Variants in GPM6A observed in about 807,000 individuals in gnomAD.
The protein encoded by GPM6A is glycoprotein M6A, also known as neuronal membrane glycoprotein M6-a.
GPM6A carries 7 observed loss-of-function variants against 32.1 expected under a neutral mutation model. That is an observed-to-expected ratio of 0.22 (90% confidence interval 0.12 to 0.41). The LOEUF is 0.41. Among genes scored for constraint, GPM6A ranks in the 10% least tolerant of loss-of-function variants. The probability of loss-of-function intolerance (pLI) is 1.00; values close to 1 mark genes in which losing one functional copy is unlikely to be tolerated. For synonymous variants in GPM6A, 130 were observed against 123.4 expected (o/e 1.05, Z -0.35); for missense variants, 235 against 347.2 (o/e 0.68, Z 2.57).
intron 2 of GPM6A, among the ~76,000 whole-genome samples, chr4:175,700,310 T>C (rs1034867201): frequency 6.6e-6 from 1 of 152,236 alleles, no homozygotes; most frequent in African/African-American, 2.4e-5. Context: ...TTGTTCAAGA[T>C]AATCTGCCTA....
chr4:175,637,707 ATATATATTTATATATAATATAT>A (rs1740858885), intron 6 of GPM6A, among the ~76,000 whole-genome samples: 1 of 59,036 alleles, frequency 1.7e-5, no homozygotes, highest in African/African-American at 9.8e-5. Flanking sequence ...ATTATATATT[ATATATATTTATATATAATATAT>A]TATATATTAT....
chr4:175,915,862 T>C (rs1442250012), intron 1 of GPM6A, among the ~76,000 whole-genome samples: 1 of 152,200 alleles, frequency 6.6e-6, no homozygotes, highest in Non-Finnish European at 1.5e-5. Context: ...TTTTGCTTTG[T>C]TGTTTGTGCA....
intron 4 of GPM6A, among the ~76,000 whole-genome samples, chr4:175,647,536 A>C (rs1741529679): frequency 6.6e-6 from 1 of 152,192 alleles, no homozygotes; most frequent in African/African-American, 2.4e-5. Context: ...GAAATGCATA[A>C]ATTTATTACA....
intron 1 of GPM6A, among the ~76,000 whole-genome samples, chr4:175,791,417 T>C (rs1289181334): frequency 6.6e-6 from 1 of 152,206 alleles, no homozygotes; most frequent in Non-Finnish European, 1.5e-5. Flanking sequence ...GTTAAGTGAC[T>C]TGCCATATGC....
chr4:175,933,833 T>A (rs74689910), intron 1 of GPM6A, among the ~76,000 whole-genome samples: 2 of 152,076 alleles, frequency 1.3e-5, no homozygotes, highest in African/African-American at 4.8e-5. Flanking sequence ...CGTGAGCCAC[T>A]GCGCCCGGCC....
intron 4 of GPM6A, among the ~76,000 whole-genome samples, chr4:175,644,290 G>T (rs946513371): frequency 1.3e-5 from 2 of 151,674 alleles, no homozygotes; most frequent in African/African-American, 4.8e-5. Flanking sequence ...TCTGAAACTT[G>T]CCCCGGTATC....
At chr4:175,773,384 A>T (rs545351707) in intron 1 of GPM6A, among the ~76,000 whole-genome samples, 4 of 152,302 alleles carry the variant, frequency 2.6e-5, no homozygotes, top group African/African-American at 9.6e-5. Context: ...TTACAGTAAA[A>T]ACAGAAAATA....
At chr4:175,948,958 A>AGTGTGTGTGTGT (rs34417872) in intron 1 of GPM6A, among the ~76,000 whole-genome samples, 28 of 144,814 alleles carry the variant, frequency 1.9e-4, no homozygotes, top group East Asian at 6.2e-4. Flanking sequence ...TTTGGTGGTA[A>AGTGTGTGTGTGT]GTGTGTGTGT....
chr4:175,807,988 C>T (rs980846352), intron 1 of GPM6A, among the ~76,000 whole-genome samples: 1 of 152,190 alleles, frequency 6.6e-6, no homozygotes, highest in Non-Finnish European at 1.5e-5. Context: ...CCAATGAGTT[C>T]ATTTAGGTAA....
intron 1 of GPM6A, chr4:175,906,632 C>T (rs895146087): frequency 6.6e-6 from 1 of 152,136 alleles, no homozygotes; most frequent in Non-Finnish European, 1.5e-5. Flanking sequence ...CACACTTAGA[C>T]TCTTTGAAAT....
rs182141129 is a variant in GPM6A at position 175,842,707 on chromosome 4, A to G, written c.-22-30458T>C. Among the ~76,000 whole-genome samples, 204 of 152,286 alleles carry G rather than the reference A, an allele frequency of 1.3e-3. 1 individual carries two copies. The highest frequency in any genetic ancestry group is 4.6e-3 in the African/African-American group (192 of 41,556). On this transcript the variant is annotated intron_variant, in intron 1 of 7. Coordinates refer to the GPM6A transcript ENST00000280187. ...TGAGTGAGATCCTGTGTCTAAAAAA[A>G]TTTAAAAAACAGAGAGAATAAACAT...
chr4:175,878,127 C>T (rs1172738274), intron 1 of GPM6A, among the ~76,000 whole-genome samples: 1 of 152,210 alleles, frequency 6.6e-6, no homozygotes, highest in Non-Finnish European at 1.5e-5. Context: ...GCAGCTCTGC[C>T]CCTGTAGCTT....
intron 1 of GPM6A, among the ~76,000 whole-genome samples, chr4:175,838,836 G>T (rs1275783040): frequency 2.0e-5 from 3 of 151,602 alleles, no homozygotes; most frequent in Non-Finnish European, 4.4e-5. Context: ...TATATTTTCA[G>T]TAAAGATGGG....
intron 1 of GPM6A, among the ~76,000 whole-genome samples, chr4:175,895,970 T>C (rs34444228): frequency 4.3e-4 from 66 of 152,324 alleles, no homozygotes; most frequent in Middle Eastern, 6.8e-3. Flanking sequence ...TCTCCATCTG[T>C]GGCCTTTTCC....
intron 1 of GPM6A, among the ~76,000 whole-genome samples, chr4:175,953,539 T>C (rs1049626385): frequency 2.0e-5 from 3 of 152,226 alleles, no homozygotes; most frequent in African/African-American, 7.2e-5. Context: ...ATTATTGCTT[T>C]GTTTATTATG....
intron 1 of GPM6A, among the ~76,000 whole-genome samples, chr4:175,829,552 G>T (rs1226408952): frequency 1.3e-5 from 2 of 151,196 alleles, no homozygotes; most frequent in Non-Finnish European, 2.9e-5. Flanking sequence ...TACTTGGAGA[G>T]CTGTCCGCTG....
intron 1 of GPM6A, chr4:175,971,025 CAGTT>C (rs1740486545): frequency 2.2e-5 from 8 of 366,740 alleles, no homozygotes; most frequent in Middle Eastern, 7.9e-4. Flanking sequence ...AATACAGCCT[CAGTT>C]AGGAAAGTAA....
intron 1 of GPM6A, among the ~76,000 whole-genome samples, chr4:175,921,358 C>T (rs1738658653): frequency 6.6e-6 from 1 of 152,130 alleles, no homozygotes; most frequent in Non-Finnish European, 1.5e-5. Flanking sequence ...TTCTTATACA[C>T]TCTGTATGCA....
At chr4:175,735,521 A>C (rs1369799287) in intron 1 of GPM6A, among the ~76,000 whole-genome samples, 1 of 152,120 alleles carries the variant, frequency 6.6e-6, no homozygotes, top group Non-Finnish European at 1.5e-5. Context: ...AATACAAATT[A>C]TGAGCCTCTA....
Sources: allele counts gnomAD v4.1 joint callset (sites outside exome capture counted in the v4.1 genomes callset), GRCh38; gene constraint gnomAD v4.1.1; transcripts MANE v1.5; gene names NCBI Gene and HGNC (gene_info 2026-07-23, HGNC 2026-07-21).